Variants in UGGT2 observed in about 807,000 individuals in gnomAD.
The protein encoded by UGGT2 is UDP-glucose glycoprotein glucosyltransferase 2.
Under a neutral mutation model 192.1 loss-of-function variants are expected in UGGT2, and 180 were observed. The observed-to-expected ratio is 0.94, with a 90% CI of 0.83 to 1.06. The LOEUF (loss-of-function observed/expected upper bound fraction) is 1.06, where lower values mean the gene tolerates loss of function less well. Among genes scored for constraint, UGGT2 ranks in the 50% least tolerant of loss-of-function variants. The probability of loss-of-function intolerance (pLI) is 0.00; values close to 1 mark genes in which losing one functional copy is unlikely to be tolerated. For missense variants in UGGT2, 1,849 were observed against 1,795.7 expected (o/e 1.03, Z -0.54); for synonymous variants, 580 against 591.0 (o/e 0.98, Z 0.27).
intron 38 of UGGT2, among the ~76,000 whole-genome samples, chr13:95,820,221 T>C (rs368970999): frequency 5.9e-5 from 9 of 152,246 alleles, no homozygotes; most frequent in African/African-American, 1.2e-4. Context: ...TATGACACTA[T>C]AGAATATATC....
At chr13:95,826,999 A>G (rs572027726) in intron 38 of UGGT2, among the ~76,000 whole-genome samples, 1 of 152,172 alleles carries the variant, frequency 6.6e-6, no homozygotes, top group Non-Finnish European at 1.5e-5. Context: ...ATAGACAGAG[A>G]CCAATGGAAC....
At position 95,902,878 on chromosome 13, in the gene UGGT2, A is replaced by C. The variant is rs748973786; in HGVS notation, c.2478T>G (p.Asp826Glu). The C allele has an allele frequency of 1.1e-5, 18 of 1,613,140 alleles. No individual in the cohort carries two copies. The highest frequency in any genetic ancestry group is 1.7e-4 in the Middle Eastern group (1 of 6,052). The part of the protein sequence containing the change: ...EEIATAIYSG[D>E]KIKTFLIEGM... ...CCTCAATAAGGAATGTTTTAATTTT[A>C]TCTCCAGAGTAAATAGCTGTAGCAA... Residue 826 changes from aspartate (D) to glutamate (E), a missense_variant, in exon 21 of 39, where the codon GAT becomes GAG. Coordinates refer to ENST00000376747, the MANE Select transcript of UGGT2 (RefSeq NM_020121.4).
chr13:95,927,300 G>A lies in UGGT2; in HGVS notation c.2014C>T (p.Leu672=). ...LNDRTNAIDF[L]MDRNNVVPRI... Reference sequence around the variant, plus strand: ...GGTACAACATTATTCCTATCCATTAGAAAATCAATTGCATTCGTGCGATCA... The same window carrying A: ...GGTACAACATTATTCCTATCCATTAAAAAATCAATTGCATTCGTGCGATCA... The change falls in exon 18 of 39, where the codon CTA becomes TTA. Residue 672 remains leucine, a synonymous_variant. Coordinates refer to ENST00000376747, the MANE Select transcript of UGGT2 (RefSeq NM_020121.4). 1 of 1,609,478 alleles carries A rather than the reference G, an allele frequency of 6.2e-7. No homozygotes were observed. The highest frequency in any genetic ancestry group is 8.5e-7 in the Non-Finnish European group (1 of 1,178,782).
chr13:96,015,973 C>A (rs1172469628), intron 4 of UGGT2, among the ~76,000 whole-genome samples: 3 of 152,128 alleles, frequency 2.0e-5, no homozygotes, highest in Non-Finnish European at 4.4e-5. Context: ...AAAGGTCACC[C>A]TTGTTATGCC....
intron 25 of UGGT2, among the ~76,000 whole-genome samples, chr13:95,889,462 A>G (rs1368578497): frequency 2.0e-5 from 3 of 152,174 alleles, no homozygotes; most frequent in Non-Finnish European, 4.4e-5. Flanking sequence ...ATTTTGATAT[A>G]CAGCGAATCA....
intron 5 of UGGT2, among the ~76,000 whole-genome samples, chr13:96,010,902 A>G (rs2052140830): frequency 1.3e-5 from 2 of 152,228 alleles, no homozygotes; most frequent in Admixed American, 1.3e-4. Context: ...GCAGTGTAGT[A>G]TTGATGTTGG....
intron 29 of UGGT2, 66 bp from the exon 30 acceptor site, chr13:95,867,489 G>C: frequency 7.6e-7 from 1 of 1,310,830 alleles, no homozygotes; most frequent in Non-Finnish European, 1.1e-6. Flanking sequence ...TGGCATAACA[G>C]AATAAACTCA....
intron 1 of UGGT2, 121 bp downstream of exon 1, chr13:96,053,034 G>A: frequency 2.3e-6 from 3 of 1,325,918 alleles, no homozygotes; most frequent in Non-Finnish European, 2.9e-6. Flanking sequence ...CTCAGGGCCA[G>A]AGCGGGGGCG....
intron 1 of UGGT2, among the ~76,000 whole-genome samples, chr13:96,050,836 G>A (rs1278022971): frequency 2.6e-5 from 4 of 152,150 alleles, no homozygotes; most frequent in Non-Finnish European, 5.9e-5. Context: ...GAAACAACAG[G>A]TGCTGGAGAG....
chr13:95,980,588 A>C (rs1254177008), intron 10 of UGGT2, among the ~76,000 whole-genome samples: 1 of 152,210 alleles, frequency 6.6e-6, no homozygotes, highest in Non-Finnish European at 1.5e-5. Flanking sequence ...ATCTGTTCCC[A>C]AAAAACCTAC....
intron 28 of UGGT2, 154 bp downstream of exon 28, chr13:95,877,544 T>C (rs547358375): frequency 9.5e-7 from 1 of 1,054,740 alleles, no homozygotes; most frequent in Non-Finnish European, 1.3e-6. Flanking sequence ...AGTATGATTT[T>C]CCCCATTTTT....
rs765992614 is a variant in UGGT2 at position 95,996,067 on chromosome 13, G to A, written c.826C>T (p.Leu276=). Residue 276 remains leucine, a synonymous_variant, in exon 7 of 39, where the codon CTA becomes TTA. Transcript: ENST00000376747. ...NEVQGFLFGK[L]KEIYSDLRDN... is the part of the protein sequence containing the mutation. ...TTCATTTCCATTCAGACTTACTTTAGTTTCCCAAAGAGAAATCCTTGAACT... is the reference window on the plus strand; with the variant it reads ...TTCATTTCCATTCAGACTTACTTTAATTTCCCAAAGAGAAATCCTTGAACT... 2 of 1,612,786 alleles carry A rather than the reference G, an allele frequency of 1.2e-6. No homozygotes were observed. The highest frequency in any genetic ancestry group is 2.2e-5 in the East Asian group (1 of 44,804).
intron 20 of UGGT2, among the ~76,000 whole-genome samples, chr13:95,920,815 A>T (rs1441077845): frequency 6.6e-6 from 1 of 152,222 alleles, no homozygotes; most frequent in Non-Finnish European, 1.5e-5. Flanking sequence ...TTACCATTTG[A>T]CCCAGCAATC....
In UGGT2 at chr13:95,808,444, T is replaced by C. The variant is rs551997515; in HGVS notation, c.4529-6632A>G. Among the ~76,000 whole-genome samples, 3 of 152,306 alleles carry C rather than the reference T, an allele frequency of 2.0e-5. No homozygotes were observed. The South Asian group carries it at 6.2e-4, about 32-fold the overall frequency. On this transcript the variant is annotated intron_variant, in intron 38 of 38. Transcript: ENST00000376747. ...TTCTACAAACAGGGAAATTTCATCT[T>C]CATTAAAAACCTGTTGAGGCAAATA... is the stretch of plus-strand genomic sequence containing the variant.
chr13:96,006,685 T>C (rs979360038), intron 5 of UGGT2, among the ~76,000 whole-genome samples: 6 of 147,500 alleles, frequency 4.1e-5, no homozygotes, highest in African/African-American at 1.5e-4. Context: ...ATAGAAATTA[T>C]TCAAATTGAA....
intron 1 of UGGT2, among the ~76,000 whole-genome samples, chr13:96,037,724 T>G (rs1735845179): frequency 2.6e-5 from 4 of 152,214 alleles, no homozygotes; most frequent in Admixed American, 2.0e-4. Context: ...TTATTTTCCT[T>G]AAGTTCCTAT....
At chr13:95,955,201 A>T (rs1286559466) in intron 12 of UGGT2, among the ~76,000 whole-genome samples, 1 of 152,222 alleles carries the variant, frequency 6.6e-6, no homozygotes, top group East Asian at 1.9e-4. Flanking sequence ...TCCTATTTTT[A>T]ATTATGAATC....
At chr13:95,833,360 C>A (rs1190194432) in intron 37 of UGGT2, among the ~76,000 whole-genome samples, 3 of 152,092 alleles carry the variant, frequency 2.0e-5, no homozygotes, top group African/African-American at 7.2e-5. Flanking sequence ...TACATTACCA[C>A]TATGTAGAAG....
chr13:95,987,056 C>G (rs561240797), intron 8 of UGGT2, among the ~76,000 whole-genome samples: 1 of 152,158 alleles, frequency 6.6e-6, no homozygotes, highest in South Asian at 2.1e-4. Flanking sequence ...CTTTCATTAC[C>G]TACCTCAACA....
Sources: gnomAD v4.1 joint callset for allele counts (sites outside exome capture counted in the v4.1 genomes callset) on GRCh38, gnomAD v4.1.1 for gene constraint, MANE v1.5 for transcripts, NCBI Gene and HGNC (gene_info 2026-07-23, HGNC 2026-07-21) for gene names.